The following NDUFS4 variants were observed in gnomAD, a reference collection of about 807,000 sequenced individuals.
NDUFS4 encodes NADH:ubiquinone oxidoreductase subunit S4.
In NDUFS4, 28 loss-of-function variants were observed where a neutral mutation model predicts 24.3. That is an observed-to-expected ratio of 1.15 (90% CI 0.85 to 1.58). The LOEUF (loss-of-function observed/expected upper bound fraction) is 1.58. NDUFS4 is among the 40% of genes most tolerant of loss of function. The probability of loss-of-function intolerance (pLI) is 0.00; values close to 1 mark genes in which losing one functional copy is unlikely to be tolerated. For missense variants in NDUFS4, 223 were observed against 207.9 expected, an observed-to-expected ratio of 1.07 and a Z score of -0.45; for synonymous variants, 93 against 69.7, an observed-to-expected ratio of 1.34 and a Z score of -1.67.
intron 1 of NDUFS4, among the ~76,000 whole-genome samples, chr5:53,561,551 AT>A (rs1748845278): frequency 6.9e-6 from 1 of 145,822 alleles, no homozygotes; most frequent in African/African-American, 2.5e-5. Flanking sequence ...TCCATTTTCT[AT>A]TTTTCAGAAT....
intron 3 of NDUFS4, among the ~76,000 whole-genome samples, chr5:53,652,057 G>A (rs1752035314): frequency 6.6e-6 from 1 of 152,068 alleles, no homozygotes; most frequent in Non-Finnish European, 1.5e-5. Context: ...ACAGGCGTGG[G>A]CCACCGTGCC....
intron 1 of NDUFS4, among the ~76,000 whole-genome samples, chr5:53,586,338 A>AC (rs888010600): frequency 2.8e-4 from 42 of 151,850 alleles, no homozygotes; most frequent in Admixed American, 1.6e-3. Flanking sequence ...TCAAAAAAAA[A>AC]AAAAAAACAA....
chr5:53,663,371 A>G (rs1000506236), intron 4 of NDUFS4, among the ~76,000 whole-genome samples: 6 of 152,096 alleles, frequency 3.9e-5, no homozygotes, highest in African/African-American at 1.4e-4. Context: ...GCTGAGTTCA[A>G]TTCCTGGGTA....
intron 2 of NDUFS4, among the ~76,000 whole-genome samples, chr5:53,634,326 G>C (rs1751489438): frequency 6.6e-6 from 1 of 152,022 alleles, no homozygotes; most frequent in South Asian, 2.1e-4. Flanking sequence ...GTCCTTTTCA[G>C]ATGTAATTAA....
At chr5:53,578,264 C>T (rs1749448656) in intron 1 of NDUFS4, among the ~76,000 whole-genome samples, 1 of 152,122 alleles carries the variant, frequency 6.6e-6, no homozygotes, top group South Asian at 2.1e-4. Flanking sequence ...TTGTAAGTGG[C>T]CCCTTATTAA....
At chr5:53,656,203 C>A (rs1041323797) in intron 3 of NDUFS4, among the ~76,000 whole-genome samples, 4 of 103,698 alleles carry the variant, frequency 3.9e-5, no homozygotes, top group African/African-American at 1.2e-4. Context: ...AGATTGAATT[C>A]TCTAGAAGTT....
rs535682980 is a variant in NDUFS4 at position 53,638,707 on chromosome 5, TA to T, written c.178-7517del. 1.9e-3 allele frequency among the ~76,000 whole-genome samples: 282 copies of T among 151,588 alleles called. 2 individuals carry two copies. The highest frequency in any genetic ancestry group is 3.5e-3 in the South Asian group (17 of 4,802). On this transcript the variant is annotated intron_variant, in intron 2 of 4. Transcript: ENST00000296684. ...GTATCCCTGAATCTAAAATAAAAGTTAAAAAAAAATTATCTTGATAAAACAC... is the reference window on the plus strand; with the variant it reads ...GTATCCCTGAATCTAAAATAAAAGTTAAAAAAAATTATCTTGATAAAACAC...
intron 4 of NDUFS4, among the ~76,000 whole-genome samples, chr5:53,663,045 G>A (rs1023686933): frequency 2.6e-5 from 4 of 151,976 alleles, no homozygotes. Context: ...TGGTTTCAAA[G>A]AACATCTTTA....
chr5:53,676,739 C>T lies in NDUFS4; in HGVS notation c.425-6379C>T, dbSNP rs115297980. ...TCACCTCATTTAGAAATGTATGTTA[C>T]GGGACTCAAATTTTTTGACATTCTC... is the stretch of plus-strand genomic sequence containing the variant. On this transcript the variant is annotated intron_variant, in intron 4 of 4. Coordinates refer to ENST00000296684, the MANE Select transcript of NDUFS4 (RefSeq NM_002495.4). Among the ~76,000 whole-genome samples the T allele has an allele frequency of 9.9e-3, 1,508 of 152,274 alleles. 24 individuals are homozygous for T. The highest frequency in any genetic ancestry group is 0.034 in the African/African-American group (1,424 of 41,552).
chr5:53,667,453 C>T (rs543651695), intron 4 of NDUFS4, among the ~76,000 whole-genome samples: 1 of 148,560 alleles, frequency 6.7e-6, no homozygotes, highest in East Asian at 2.0e-4. Flanking sequence ...CAACAAGCTC[C>T]AGCCTGGGCA....
At chr5:53,671,966 G>A (rs1040940984) in intron 4 of NDUFS4, among the ~76,000 whole-genome samples, 5 of 152,100 alleles carry the variant, frequency 3.3e-5, no homozygotes, top group African/African-American at 1.2e-4. Flanking sequence ...GAATAGGAGG[G>A]CTGAGGACAA....
At chr5:53,631,495 C>T (rs1751408463) in intron 2 of NDUFS4, among the ~76,000 whole-genome samples, 1 of 152,168 alleles carries the variant, frequency 6.6e-6, no homozygotes, top group African/African-American at 2.4e-5. Flanking sequence ...GCTGCCCCTT[C>T]CCCCAGGTGC....
intron 1 of NDUFS4, among the ~76,000 whole-genome samples, chr5:53,563,207 C>T (rs1489056524): frequency 2.5e-5 from 3 of 119,118 alleles, no homozygotes; most frequent in Non-Finnish European, 4.9e-5. Flanking sequence ...CCAGCCTGGG[C>T]AACAGAGCCA....
intron 3 of NDUFS4, among the ~76,000 whole-genome samples, chr5:53,647,461 A>G (rs2112508993): frequency 6.6e-6 from 1 of 152,104 alleles, no homozygotes; most frequent in East Asian, 1.9e-4. Flanking sequence ...CAAGCGATCC[A>G]CCCACCTCAG....
rs1532163 is a variant in NDUFS4 at position 53,560,886 on chromosome 5, A to C, written c.98+126A>C. On this transcript the variant is annotated intron_variant, in intron 1 of 4. Transcript: ENST00000296684. ...CTCTGTTGACCCTTTTCTCGGGAGAAGTCGGGCGGACTAGGGACTGTCTGC... is the reference window on the plus strand; with the variant it reads ...CTCTGTTGACCCTTTTCTCGGGAGACGTCGGGCGGACTAGGGACTGTCTGC... The C allele has an allele frequency of 3.2e-6, 5 of 1,546,062 alleles. No homozygotes were observed. The African/African-American group carries it at 4.1e-5, about 13-fold the overall frequency.
At chr5:53,636,885 T>C (rs1487641196) in intron 2 of NDUFS4, among the ~76,000 whole-genome samples, 1 of 152,184 alleles carries the variant, frequency 6.6e-6, no homozygotes, top group Non-Finnish European at 1.5e-5. Context: ...CTGGCTTTGC[T>C]GTAAAAAGTA....
chr5:53,602,004 T>A (rs1483351524), intron 1 of NDUFS4, among the ~76,000 whole-genome samples: 1 of 152,194 alleles, frequency 6.6e-6, no homozygotes, highest in Non-Finnish European at 1.5e-5. Context: ...TAGGGTTCAG[T>A]TCTATTAACA....
intron 3 of NDUFS4, among the ~76,000 whole-genome samples, chr5:53,647,830 T>G (rs1751910784): frequency 6.6e-6 from 1 of 152,156 alleles, no homozygotes; most frequent in Admixed American, 6.5e-5. Flanking sequence ...CTTGGGAGAC[T>G]TTTTTTAGAA....
intron 2 of NDUFS4, among the ~76,000 whole-genome samples, chr5:53,644,040 C>G (rs528962565): frequency 6.6e-6 from 1 of 152,110 alleles, no homozygotes; most frequent in Non-Finnish European, 1.5e-5. Flanking sequence ...TATATACTGT[C>G]CTTTCTACTT....
Sources: gnomAD v4.1 joint callset for allele counts (sites outside exome capture counted in the v4.1 genomes callset) on GRCh38, gnomAD v4.1.1 for gene constraint, MANE v1.5 for transcripts, NCBI Gene and HGNC (gene_info 2026-07-23, HGNC 2026-07-21) for gene names.